The following SEMA3C variants were observed in gnomAD, a reference collection of about 807,000 sequenced individuals.
The protein encoded by SEMA3C is semaphorin-3C.
SEMA3C carries 47 observed loss-of-function variants against 89.4 expected under a neutral mutation model. The observed-to-expected ratio is 0.53, with a 90% CI of 0.42 to 0.67. The LOEUF (loss-of-function observed/expected upper bound fraction) is 0.67, where lower values mean the gene tolerates loss of function less well. SEMA3C is among the 30% of genes least tolerant of loss of function. The probability of loss-of-function intolerance (pLI) is 0.00; values close to 1 mark genes in which losing one functional copy is unlikely to be tolerated. For missense variants in SEMA3C, 839 were observed against 929.1 expected, an observed-to-expected ratio of 0.90 and a Z score of 1.26; for synonymous variants, 310 against 320.2, an observed-to-expected ratio of 0.97 and a Z score of 0.34.
At chr7:80,826,423 T>C (rs1325975842) in intron 4 of SEMA3C, among the ~76,000 whole-genome samples, 1 of 152,174 alleles carries the variant, frequency 6.6e-6, no homozygotes, top group Non-Finnish European at 1.5e-5. Flanking sequence ...AATTACCATA[T>C]TTCCAGCTTA....
At chr7:80,880,101 A>C (rs1225402617) in intron 2 of SEMA3C, among the ~76,000 whole-genome samples, 1 of 152,004 alleles carries the variant, frequency 6.6e-6, no homozygotes, top group Admixed American at 6.6e-5. Context: ...CTCTGTCTGG[A>C]ATGCTCTTCC....
At chr7:80,751,194 T>C in intron 16 of SEMA3C, 75 bp downstream of exon 16, 2 of 1,191,582 alleles carry the variant, frequency 1.7e-6, no homozygotes, top group Non-Finnish European at 2.5e-6. Flanking sequence ...TCTATGACAA[T>C]GTTTCCCCTT....
In SEMA3C at chr7:80,751,256, T is replaced by C. The variant is rs1441726285; in HGVS notation, c.1711+13A>G. On this transcript the variant is annotated intron_variant, in intron 16 of 17. Transcript: ENST00000265361. ...ACTGTTCACTGAGATTGGCCATTGCTCACTTTTAATACCTTTTAGATTAAA... is the reference window on the plus strand; with the variant it reads ...ACTGTTCACTGAGATTGGCCATTGCCCACTTTTAATACCTTTTAGATTAAA... The C allele has an allele frequency of 6.2e-7, 1 of 1,610,844 alleles. No homozygotes were observed. Among genetic ancestry groups the C allele is most frequent in the African/African-American group, 1.3e-5 (1 of 74,864 alleles).
chr7:80,772,356 A>C (rs146431163), intron 12 of SEMA3C, among the ~76,000 whole-genome samples: 385 of 152,340 alleles, frequency 2.5e-3, no homozygotes, highest in African/African-American at 8.9e-3. Context: ...TACTTTTAAA[A>C]GGTAGCATTC....
intron 2 of SEMA3C, among the ~76,000 whole-genome samples, chr7:80,893,911 T>C (rs376321369): frequency 6.6e-6 from 1 of 152,208 alleles, no homozygotes; most frequent in South Asian, 2.1e-4. Flanking sequence ...GTTACAACGT[T>C]ATGAGAGTTT....
At chr7:80,916,621 A>C in intron 2 of SEMA3C, 58 bp downstream of exon 2, 1 of 1,481,004 alleles carries the variant, frequency 6.8e-7, no homozygotes, top group Non-Finnish European at 9.2e-7. Flanking sequence ...AATCTGGATA[A>C]GGAAGATAAC....
chr7:80,859,389 T>C (rs939611421), intron 2 of SEMA3C, among the ~76,000 whole-genome samples: 1 of 152,266 alleles, frequency 6.6e-6, no homozygotes, highest in Non-Finnish European at 1.5e-5. Context: ...ATTGAAAAAG[T>C]ACCCGATGAG....
intron 2 of SEMA3C, among the ~76,000 whole-genome samples, chr7:80,857,066 T>C (rs1392750010): frequency 6.6e-6 from 1 of 152,146 alleles, no homozygotes; most frequent in Non-Finnish European, 1.5e-5. Flanking sequence ...GTCACTACGG[T>C]CCTAACCTCA....
chr7:80,901,074 T>A (rs994023639), intron 2 of SEMA3C, among the ~76,000 whole-genome samples: 1 of 152,214 alleles, frequency 6.6e-6, no homozygotes, highest in African/African-American at 2.4e-5. Context: ...TTGCCTGTTG[T>A]ACAGGGTGGT....
chr7:80,794,516 A>C (rs890201571), intron 11 of SEMA3C, among the ~76,000 whole-genome samples: 2 of 152,132 alleles, frequency 1.3e-5, no homozygotes, highest in Non-Finnish European at 2.9e-5. Context: ...TGTAATCAAC[A>C]AAACTGCCAA....
chr7:80,915,696 C>G (rs978702666), intron 2 of SEMA3C: 1 of 141,750 alleles, frequency 7.1e-6, no homozygotes, highest in African/African-American at 2.7e-5. Flanking sequence ...GAGCCGAGAT[C>G]GTGTCACTGC....
Position 80,800,819 on chromosome 7 carries a change from C to T in SEMA3C, c.924G>A (p.Val308=), listed in dbSNP as rs1789184235. Residue 308 remains valine, a synonymous_variant, in exon 10 of 18, where the codon GTG becomes GTA. Transcript: ENST00000265361. ...TCGGGTTATCAGTTTCCAGCAGAAA[C>T]ACATCCTCTATAAAAAGGAAAATAT... ...PETHFDELED[V]FLLETDNPRT... is the part of the protein sequence containing the mutation. The T allele has an allele frequency of 6.6e-7, 1 of 1,510,804 alleles. No homozygotes were observed. The allele number at this position is 1,510,804 out of a possible 1,614,324, so 93.6% of individuals were successfully genotyped here.
rs1021788237 is a variant in SEMA3C at position 80,744,576 on chromosome 7, T to A, written c.*318A>T. The A allele has an allele frequency of 3.4e-5, 12 of 351,806 alleles. No homozygotes were observed. In the East Asian group the frequency reaches 8.2e-4, roughly 24 times the overall value. The allele number at this position is 351,806 out of a possible 1,614,324, so 21.8% of individuals were successfully genotyped here. ...AAGGAATACCACAGGGATATGGCCC[T>A]CATTCAATTGAGGGATGCAACAATT... On this transcript the variant is annotated 3_prime_UTR_variant, in exon 18 of 18. Transcript: ENST00000265361.
At chr7:80,871,170 T>C (rs1175847013) in intron 2 of SEMA3C, among the ~76,000 whole-genome samples, 1 of 152,146 alleles carries the variant, frequency 6.6e-6, no homozygotes, top group Non-Finnish European at 1.5e-5. Context: ...TGCACGAAGG[T>C]TTCAAAACCT....
intron 10 of SEMA3C, among the ~76,000 whole-genome samples, chr7:80,800,299 C>CA (rs1322327811): frequency 1.3e-5 from 2 of 151,664 alleles, no homozygotes; most frequent in South Asian, 2.1e-4. Context: ...AATTGGTATA[C>CA]AAAAAAATAC....
At chr7:80,860,390 C>T (rs1195142242) in intron 2 of SEMA3C, among the ~76,000 whole-genome samples, 9 of 152,162 alleles carry the variant, frequency 5.9e-5, no homozygotes, top group Admixed American at 5.9e-4. Flanking sequence ...TCTATCATGT[C>T]TCCTTTCACA....
rs1487335430 is a variant in SEMA3C, at chr7:80,743,208, A to T, written c.*1686T>A. Reference sequence around the variant, plus strand: ...TACTTTAAAATTATACACATTTGGAACAACAGATTTTTTAAAAAATGAAGT... The same window carrying T: ...TACTTTAAAATTATACACATTTGGATCAACAGATTTTTTAAAAAATGAAGT... On this transcript the variant is annotated 3_prime_UTR_variant, in exon 18 of 18. Coordinates refer to ENST00000265361, the MANE Select transcript of SEMA3C (RefSeq NM_006379.5). 2.6e-5 allele frequency: 4 copies of T among 151,928 alleles called. No individual in the cohort carries two copies. The highest frequency in any genetic ancestry group is 9.7e-5 in the African/African-American group (4 of 41,438). The allele number at this position is 151,928 out of a possible 1,614,324, so 9.4% of individuals were successfully genotyped here.
intron 2 of SEMA3C, among the ~76,000 whole-genome samples, chr7:80,872,771 A>G (rs1322796443): frequency 6.9e-6 from 1 of 144,356 alleles, no homozygotes; most frequent in African/African-American, 2.6e-5. Context: ...ACTGCACTCC[A>G]GCCTGGCAAC....
intron 5 of SEMA3C, among the ~76,000 whole-genome samples, chr7:80,811,519 A>C (rs1481511335): frequency 6.6e-6 from 1 of 152,070 alleles, no homozygotes; most frequent in African/African-American, 2.4e-5. Flanking sequence ...TCTTACATAA[A>C]GTTAGTACAA....
Sources: gnomAD v4.1 joint callset for allele counts (sites outside exome capture counted in the v4.1 genomes callset) on GRCh38, gnomAD v4.1.1 for gene constraint, MANE v1.5 for transcripts, NCBI Gene and HGNC (gene_info 2026-07-23, HGNC 2026-07-21) for gene names.